BOD1L1: variants seen among roughly 807,000 people sequenced by gnomAD.
BOD1L1 encodes biorientation of chromosomes in cell division protein 1-like 1.
Under a neutral mutation model 240.7 loss-of-function variants are expected in BOD1L1, and 86 were observed. The observed-to-expected ratio is 0.36, with a 90% CI of 0.30 to 0.43. BOD1L1 has a LOEUF of 0.43. Among genes scored for constraint, BOD1L1 ranks in the 20% least tolerant of loss-of-function variants. The pLI is 1.00. For synonymous variants in BOD1L1, 1,268 were observed against 1,272.3 expected (o/e 1.00, Z 0.07); for missense variants, 3,554 against 3,643.5 (o/e 0.98, Z 0.63).
chr4:13,607,853 A>G (rs1252386537), intron 8 of BOD1L1, among the ~76,000 whole-genome samples: 1 of 152,208 alleles, frequency 6.6e-6, no homozygotes, highest in Non-Finnish European at 1.5e-5. Context: ...TCAGATCAAT[A>G]AGGATGAGAG....
At chr4:13,606,745 A>G (rs1056370769) in intron 9 of BOD1L1, among the ~76,000 whole-genome samples, 4 of 152,214 alleles carry the variant, frequency 2.6e-5, no homozygotes, top group African/African-American at 9.6e-5. Context: ...CTAAAAAATT[A>G]TGTGGACCCG....
At position 13,608,708 on chromosome 4, in the gene BOD1L1, T is replaced by C. The variant is rs1715921715; in HGVS notation, c.1604-40A>G. On this transcript the variant is annotated intron_variant, in intron 7 of 25. Transcript: ENST00000040738. ...ATCAATAAAACGTATTTCAGAAAAG[T>C]TTTACAAACAATGTAATATTAATTT... The C allele has an allele frequency of 4.4e-6, 6 of 1,361,288 alleles. No individual in the cohort carries two copies. In the East Asian group the frequency reaches 1.7e-4, roughly 39 times the overall value. The allele number at this position is 1,361,288 out of a possible 1,614,324, so 84.3% of individuals were successfully genotyped here.
At chr4:13,596,883 CTT>C (rs1390632949) in intron 11 of BOD1L1, among the ~76,000 whole-genome samples, 1 of 152,116 alleles carries the variant, frequency 6.6e-6, no homozygotes, top group Non-Finnish European at 1.5e-5. Context: ...GAGGGTGACT[CTT>C]GTGTTTCTGG....
In BOD1L1 at chr4:13,600,486, T is replaced by C. The variant is rs776321318; in HGVS notation, c.6414A>G (p.Lys2138=). The C allele has an allele frequency of 2.5e-6, 4 of 1,613,968 alleles. No individual in the cohort carries two copies. The highest frequency in any genetic ancestry group is 1.6e-4 in the Middle Eastern group (1 of 6,062). Residue 2138 remains lysine, a synonymous_variant, in exon 10 of 26, where the codon AAA becomes AAG. Coordinates refer to ENST00000040738, the MANE Select transcript of BOD1L1 (RefSeq NM_148894.3). ...TTGTGGAAATCATGGCACACTCATC[T>C]TTCTCTTCACTTCTGCTGGCAGTGA... ...SQLTASRSEE[K]DECAMISTSI...
At chr4:13,581,423 A>G (rs1203155484) in intron 19 of BOD1L1, among the ~76,000 whole-genome samples, 1 of 152,192 alleles carries the variant, frequency 6.6e-6, no homozygotes, top group East Asian at 1.9e-4. Context: ...ACTGTCATAA[A>G]TTAATGGAGC....
rs561960833 is a variant in BOD1L1 at position 13,577,308 on chromosome 4, C to G, written c.8884+95G>C. 6.4e-5 allele frequency: 62 copies of G among 968,418 alleles called. No homozygotes were observed. The East Asian group carries it at 8.1e-4, about 13-fold the overall frequency. The allele number at this position is 968,418 out of a possible 1,614,324, so 60.0% of individuals were successfully genotyped here. ...CATATTTATATAATATTAATATTAG[C>G]TGTACCCATTGGATTTTTCCTCATT... On this transcript the variant is annotated intron_variant, in intron 24 of 25. Transcript: ENST00000040738.
intron 25 of BOD1L1, among the ~76,000 whole-genome samples, chr4:13,570,602 C>T (rs992000605): frequency 1.3e-5 from 2 of 152,186 alleles, no homozygotes; most frequent in East Asian, 1.9e-4. Flanking sequence ...AGAAAAGGCA[C>T]GGGAATTTCA....
rs138644252 is a variant in BOD1L1 at position 13,602,294 on chromosome 4, C to T, written c.4606G>A (p.Gly1536Arg). 108 of 1,613,782 alleles carry T rather than the reference C, an allele frequency of 6.7e-5. No homozygotes were observed. The Middle Eastern group carries it at 9.9e-4, about 15-fold the overall frequency. Residue 1536 changes from glycine to arginine, a missense_variant, in exon 10 of 26, where the codon GGG becomes AGG. Physicochemically the swap from Gly to Arg is moderately radical, Grantham distance 125 (BLOSUM62 -2). Around this residue, in one of 2 missense-constraint regions of BOD1L1, gnomAD observed 3,393 missense variants for 3,427.1 expected, o/e 0.99. Transcript: ENST00000040738. ...TCTGAAGAAGTGGTTGTGGCAGGCC[C>T]AGCCTTCACTGGACTTAAGGTGACA... ...KDVTLSPVKA[G>R]PATTTSSETR...
rs778843322 is a variant in BOD1L1, at chr4:13,574,923, G to GT, written c.9038+1914dup. Among the ~76,000 whole-genome samples, 329 of 65,418 alleles carry GT rather than the reference G, an allele frequency of 5.0e-3. 1 individual carries two copies. The highest frequency in any genetic ancestry group is 0.012 in the Admixed American group (68 of 5,696). 42.9% of individuals were successfully genotyped at this position (65,418 alleles called of 152,430 possible). A position where few individuals can be genotyped will look rare whatever the true frequency, so the allele number is the denominator to read the frequency against. ...TGATTTTAAGTTTTTGTTTTTTTTT[G>GT]TTTTTTTTTTTTGAGACGGGGAGTC... On this transcript the variant is annotated intron_variant, in intron 25 of 25. Coordinates refer to ENST00000040738, the MANE Select transcript of BOD1L1 (RefSeq NM_148894.3).
Position 13,587,824 on chromosome 4 carries a change from C to G in BOD1L1, c.8281-53G>C, listed in dbSNP as rs1207047085. 5 of 1,220,482 alleles carry G rather than the reference C, an allele frequency of 4.1e-6. No homozygotes were observed. The East Asian group carries it at 1.3e-4, about 31-fold the overall frequency. 75.6% of individuals were successfully genotyped at this position (1,220,482 alleles called of 1,614,324 possible). A position where few individuals can be genotyped will look rare whatever the true frequency, so the allele number is the denominator to read the frequency against. On this transcript the variant is annotated intron_variant, in intron 15 of 25. Transcript: ENST00000040738. ...GCCATAGAATCTTGATTCAAATAAACTGAAAGAGGAGCACACTGTACTAGA... is the reference window on the plus strand; with the variant it reads ...GCCATAGAATCTTGATTCAAATAAAGTGAAAGAGGAGCACACTGTACTAGA...
At chr4:13,595,587 A>G (rs1714554273) in intron 12 of BOD1L1, among the ~76,000 whole-genome samples, 1 of 152,236 alleles carries the variant, frequency 6.6e-6, no homozygotes, top group African/African-American at 2.4e-5. Flanking sequence ...ATAGAGCAAG[A>G]GTTTGCTCCA....
At chr4:13,595,749 A>C (rs1714567037) in intron 12 of BOD1L1, 111 bp downstream of exon 12, 2 of 725,288 alleles carry the variant, frequency 2.8e-6, no homozygotes, top group Non-Finnish European at 4.5e-6. Context: ...GTGAGAGGCA[A>C]GTTAATAGAG....
chr4:13,591,846 C>T (rs906430300), intron 13 of BOD1L1, 77 bp downstream of exon 13: 3 of 1,157,182 alleles, frequency 2.6e-6, no homozygotes, highest in Non-Finnish European at 3.7e-6. Context: ...CAGATGGCTC[C>T]TCCTCAATAG....
At chr4:13,595,628 G>T (rs1000602163) in intron 12 of BOD1L1, among the ~76,000 whole-genome samples, 1 of 152,066 alleles carries the variant, frequency 6.6e-6, no homozygotes, top group Non-Finnish European at 1.5e-5. Flanking sequence ...TATTATTTGG[G>T]GGTAATCAGA....
At chr4:13,595,754 A>G (rs1714567441) in intron 12 of BOD1L1, 106 bp downstream of exon 12, 2 of 772,674 alleles carry the variant, frequency 2.6e-6, no homozygotes, top group African/African-American at 3.6e-5. Context: ...AGGCAAGTTA[A>G]TAGAGCCTGT....
At chr4:13,573,442 G>GTCTGTCTATCTATCTATCTATCTATCTA (rs1384944208) in intron 25 of BOD1L1, among the ~76,000 whole-genome samples, 58 of 120,848 alleles carry the variant, frequency 4.8e-4, no homozygotes, top group East Asian at 2.3e-3. Context: ...CTGTCTGTCT[G>GTCTGTCTATCTATCTATCTATCTATCTA]TCTATCTATC....
intron 12 of BOD1L1, 166 bp from the exon 13 acceptor site, chr4:13,592,132 C>T: frequency 3.6e-6 from 2 of 556,578 alleles, no homozygotes; most frequent in Non-Finnish European, 6.4e-6. Context: ...CACAATCAAT[C>T]CATGTTGTAC....
intron 22 of BOD1L1, among the ~76,000 whole-genome samples, chr4:13,579,231 C>A (rs1461292806): frequency 6.6e-6 from 1 of 152,120 alleles, no homozygotes; most frequent in African/African-American, 2.4e-5. Flanking sequence ...TTAAAGGGGA[C>A]TGAAGTTATA....
In BOD1L1 at chr4:13,600,925, T is replaced by C; in HGVS notation, c.5975A>G (p.Glu1992Gly). 2.5e-6 allele frequency: 4 copies of C among 1,614,028 alleles called. No individual in the cohort carries two copies. Among genetic ancestry groups the C allele is most frequent in the Non-Finnish European group, 3.4e-6 (4 of 1,179,902 alleles). Residue 1992 changes from glutamate to glycine, a missense_variant, in exon 10 of 26, where the codon GAA becomes GGA. This residue lies in a region of BOD1L1 where 3,393 missense variants were observed against 3,427.1 expected (regional missense o/e 0.99). Coordinates refer to ENST00000040738, the MANE Select transcript of BOD1L1 (RefSeq NM_148894.3). The part of the protein sequence containing the change: ...AASDQSDSQL[E>G]KVEDTTISTG... ...GGAAATAGTGGTATCTTCAACTTTTTCGAGCTGACTGTCACTTTGATCAGA... is the reference window on the plus strand; with the variant it reads ...GGAAATAGTGGTATCTTCAACTTTTCCGAGCTGACTGTCACTTTGATCAGA...
Sources: allele counts gnomAD v4.1 joint callset (sites outside exome capture counted in the v4.1 genomes callset), GRCh38; gene constraint gnomAD v4.1.1; regional missense constraint gnomAD v4.1.1; transcripts MANE v1.5; gene names NCBI Gene and HGNC (gene_info 2026-07-23, HGNC 2026-07-21).